LRBA: variants seen among roughly 807,000 people sequenced by gnomAD.
LRBA encodes lipopolysaccharide-responsive and beige-like anchor protein.
In LRBA, 176 loss-of-function variants were observed where a neutral mutation model predicts 330.0. That is an observed-to-expected ratio of 0.53 (90% CI 0.47 to 0.60). The LOEUF is 0.60. Ranked by LOEUF, LRBA falls within the 20% of genes least tolerant of loss-of-function variation. LRBA has a pLI of 0.00. For missense variants in LRBA, 3,259 were observed against 3,444.8 expected (o/e 0.95, Z 1.35); for synonymous variants, 1,230 against 1,193.0 (o/e 1.03, Z -0.64).
intron 19 of LRBA, 22 bp downstream of exon 19, chr4:150,871,323 T>C (rs1326313252): frequency 1.5e-6 from 2 of 1,322,242 alleles, no homozygotes; most frequent in Admixed American, 1.7e-5. Context: ...TTTAGAGGAG[T>C]AAATCCTAAG....
chr4:150,637,456 T>C (rs1330521832), intron 37 of LRBA, among the ~76,000 whole-genome samples: 1 of 152,188 alleles, frequency 6.6e-6, no homozygotes, highest in East Asian at 1.9e-4. Flanking sequence ...CCTCCTAGTG[T>C]TCATGGTCTT....
intron 30 of LRBA, among the ~76,000 whole-genome samples, chr4:150,824,925 T>A (rs1341390103): frequency 6.6e-6 from 1 of 151,760 alleles, no homozygotes; most frequent in Non-Finnish European, 1.5e-5. Flanking sequence ...CAGGCACACA[T>A]CACCATGCCC....
chr4:150,308,371 T>C lies in LRBA; in HGVS notation c.7849+1858A>G, dbSNP rs187768834. Among the ~76,000 whole-genome samples the C allele has an allele frequency of 2.9e-3, 443 of 152,348 alleles. 1 individual carries two copies. Among genetic ancestry groups the C allele is most frequent in the African/African-American group, 9.5e-3 (395 of 41,580 alleles). On this transcript the variant is annotated intron_variant, in intron 52 of 56. Coordinates refer to ENST00000651943, the MANE Select transcript of LRBA (RefSeq NM_001364905.1). ...ACTCACGTTTGTGGTGGTGCTGGTT[T>C]AAATGGACTTACTACACTGCCAGAT...
chr4:150,614,893 T>C (rs1775616320), intron 37 of LRBA, among the ~76,000 whole-genome samples: 1 of 152,228 alleles, frequency 6.6e-6, no homozygotes, highest in African/African-American at 2.4e-5. Flanking sequence ...AAACTATGGT[T>C]ATCAGCTGGC....
intron 9 of LRBA, among the ~76,000 whole-genome samples, chr4:150,912,792 G>C (rs1732156995): frequency 6.6e-6 from 1 of 152,016 alleles, no homozygotes; most frequent in Non-Finnish European, 1.5e-5. Flanking sequence ...GTATAAATTA[G>C]GTTGCTGATC....
At chr4:150,391,259 T>C (rs1191591613) in intron 47 of LRBA, among the ~76,000 whole-genome samples, 1 of 152,208 alleles carries the variant, frequency 6.6e-6, no homozygotes, top group Non-Finnish European at 1.5e-5. Context: ...GGTCCTTTGA[T>C]GACATCATGG....
At chr4:150,420,092 G>T (rs983608646) in intron 46 of LRBA, among the ~76,000 whole-genome samples, 1 of 150,436 alleles carries the variant, frequency 6.6e-6, no homozygotes, top group Non-Finnish European at 1.5e-5. Flanking sequence ...AAAAAATTTA[G>T]CCAGGTATGG....
chr4:150,522,928 CACCAAAG>C, intron 40 of LRBA, among the ~76,000 whole-genome samples: 1 of 152,304 alleles, frequency 6.6e-6, no homozygotes, highest in South Asian at 2.1e-4. Flanking sequence ...GGGTTGGGAC[CACCAAAG>C]ACAGCACCCA....
intron 22 of LRBA, among the ~76,000 whole-genome samples, chr4:150,862,487 C>T (rs914307709): frequency 1.3e-4 from 20 of 151,988 alleles, no homozygotes; most frequent in Non-Finnish European, 2.5e-4. Context: ...AATGAGAACA[C>T]TTGGACACAG....
chr4:150,405,860 G>C (rs780225811), intron 47 of LRBA, among the ~76,000 whole-genome samples: 2 of 151,500 alleles, frequency 1.3e-5, no homozygotes, highest in Admixed American at 6.6e-5. Context: ...TTCAAGACCA[G>C]CTTGGGCAAC....
chr4:150,985,601 C>T (rs1741367778), intron 2 of LRBA, among the ~76,000 whole-genome samples: 2 of 151,778 alleles, frequency 1.3e-5, no homozygotes, highest in Admixed American at 1.3e-4. Flanking sequence ...CGGGTTCACG[C>T]CGTTCTCCTG....
chr4:150,995,633 T>C (rs1304376749), intron 2 of LRBA, among the ~76,000 whole-genome samples: 1 of 151,676 alleles, frequency 6.6e-6, no homozygotes, highest in Admixed American at 6.6e-5. Context: ...AAGGAAAAAA[T>C]AAGTTCAAAG....
chr4:150,998,360 A>T (rs1742927087), intron 2 of LRBA, among the ~76,000 whole-genome samples: 1 of 151,664 alleles, frequency 6.6e-6, no homozygotes, highest in African/African-American at 2.4e-5. Flanking sequence ...TCTCAAAAAA[A>T]AAAAAAAAAG....
intron 40 of LRBA, among the ~76,000 whole-genome samples, chr4:150,544,858 A>G (rs1765693840): frequency 1.3e-5 from 2 of 152,224 alleles, no homozygotes; most frequent in South Asian, 4.1e-4. Context: ...CCTTCATATG[A>G]ATATAAAATG....
At position 150,828,077 on chromosome 4, in the gene LRBA, A is replaced by G. The variant is rs545213209; in HGVS notation, c.5171+103T>C. ...TTAAGTTCTGAGGGAGTGAAAAGTTATATGTGGATTTTCGGCTACACAGGG... is the reference window on the plus strand; with the variant it reads ...TTAAGTTCTGAGGGAGTGAAAAGTTGTATGTGGATTTTCGGCTACACAGGG... On this transcript the variant is annotated intron_variant, in intron 30 of 56. Coordinates refer to ENST00000651943, the MANE Select transcript of LRBA (RefSeq NM_001364905.1). 2.7e-5 allele frequency: 26 copies of G among 968,544 alleles called. No individual in the cohort carries two copies. The East Asian group carries it at 5.1e-4, about 19-fold the overall frequency. 60.0% of individuals were successfully genotyped at this position (968,544 alleles called of 1,614,324 possible).
At chr4:150,768,612 A>T (rs1054538191) in intron 34 of LRBA, among the ~76,000 whole-genome samples, 29 of 152,204 alleles carry the variant, frequency 1.9e-4, no homozygotes, top group Admixed American at 8.5e-4. Context: ...ATAAAAGGTA[A>T]TCCTCTACAA....
intron 31 of LRBA, among the ~76,000 whole-genome samples, chr4:150,816,127 T>C (rs1744557408): frequency 1.3e-5 from 2 of 151,974 alleles, no homozygotes; most frequent in Admixed American, 6.6e-5. Flanking sequence ...CAAGATATGC[T>C]AATTTGCCAA....
intron 40 of LRBA, among the ~76,000 whole-genome samples, chr4:150,534,818 T>C (rs927715328): frequency 1.3e-5 from 2 of 152,260 alleles, no homozygotes; most frequent in South Asian, 2.1e-4. Context: ...TCAGATGCCA[T>C]TGTCTATAAA....
chr4:150,817,218 A>T lies in LRBA; in HGVS notation c.5211T>A (p.Pro1737=). ...TAGGTATGCTTGTATTAAAGGTGGA[A>T]GGTGAGACTGCTGACTTTTTTGCTG... The part of the protein sequence containing the change: ...IVAAKKSAVS[P]STFNTSIPTN... The change falls in exon 31 of 57, where the codon CCT becomes CCA. Residue 1737 remains proline (P), a synonymous_variant. Transcript: ENST00000651943. 6.2e-7 allele frequency: 1 copy of T among 1,612,342 alleles called. No homozygotes were observed. The highest frequency in any genetic ancestry group is 8.5e-7 in the Non-Finnish European group (1 of 1,178,762).
Sources: gnomAD v4.1 joint callset for allele counts (sites outside exome capture counted in the v4.1 genomes callset) on GRCh38, gnomAD v4.1.1 for gene constraint, MANE v1.5 for transcripts, NCBI Gene and HGNC (gene_info 2026-07-23, HGNC 2026-07-21) for gene names.